TMEM132B: variants seen among roughly 807,000 people sequenced by gnomAD.
TMEM132B encodes transmembrane protein 132B.
A neutral mutation model predicts 90.8 loss-of-function variants in TMEM132B; 18 were observed. The observed-to-expected ratio is 0.20, with a 90% CI of 0.14 to 0.29. TMEM132B has a LOEUF of 0.29. Ranked by LOEUF, TMEM132B falls within the 10% of genes least tolerant of loss-of-function variation. TMEM132B has a pLI of 1.00. For synonymous variants in TMEM132B, 504 were observed against 523.3 expected (o/e 0.96, Z 0.50); for missense variants, 1,096 against 1,326.8 (o/e 0.83, Z 2.70).
intron 4 of TMEM132B, among the ~76,000 whole-genome samples, chr12:125,561,788 A>G (rs965954707): frequency 1.3e-5 from 2 of 151,956 alleles, no homozygotes; most frequent in African/African-American, 4.8e-5. Flanking sequence ...AGGGGCTATC[A>G]TCCGGGCTTT....
intron 1 of TMEM132B, among the ~76,000 whole-genome samples, chr12:125,313,476 TC>T (rs1282522737): frequency 2.7e-5 from 4 of 149,628 alleles, no homozygotes; most frequent in Non-Finnish European, 5.9e-5. Context: ...CTTCCTTTTT[TC>T]CCTTCCTCCC....
rs1013208566 is a variant in TMEM132B, at chr12:125,407,117, T to C, written c.960-8414T>C. Among the ~76,000 whole-genome samples the C allele has an allele frequency of 1.3e-5, 2 of 152,130 alleles. No individual in the cohort carries two copies. The highest frequency in any genetic ancestry group is 2.9e-5 in the Non-Finnish European group (2 of 68,018). ...GCTGACTCTCCAGTCCCTCCAGTGG[T>C]CAAGCAGATCCCATGTGGCCCAAGC... On this transcript the variant is annotated intron_variant, in intron 2 of 8. Coordinates refer to ENST00000682704, the MANE Select transcript of TMEM132B (RefSeq NM_001366854.1). The surrounding 1 kb of genome is among the most constrained non-coding windows in gnomAD (Gnocchi z 6.7).
chr12:125,604,813 C>T (rs992389997), intron 5 of TMEM132B, among the ~76,000 whole-genome samples: 1 of 152,144 alleles, frequency 6.6e-6, no homozygotes, highest in African/African-American at 2.4e-5. Flanking sequence ...GAATGTAGTG[C>T]CTGGCACTTT....
intron 3 of TMEM132B, among the ~76,000 whole-genome samples, chr12:125,505,166 CAAAAAAAAAAAAAAAAA>C (rs71306287): frequency 3.5e-5 from 1 of 28,592 alleles, no homozygotes; most frequent in African/African-American, 1.1e-4. Flanking sequence ...CACCAGAGGA[CAAAAAAAAAAAAAAAAA>C]AAAAAAAAAA....
At chr12:125,342,730 C>T (rs565767591) in intron 1 of TMEM132B, among the ~76,000 whole-genome samples, 2 of 152,238 alleles carry the variant, frequency 1.3e-5, no homozygotes, top group East Asian at 3.9e-4. Flanking sequence ...TCCTGTGAGC[C>T]CCAGCTTGGC....
chr12:125,227,393 A>G (rs1057092718), intron 1 of TMEM132B, among the ~76,000 whole-genome samples: 6 of 152,202 alleles, frequency 3.9e-5, no homozygotes, highest in Non-Finnish European at 7.3e-5. Context: ...TGAAGAGCTT[A>G]GTCAAGGACA....
At chr12:125,556,208 C>T (rs1884381740) in intron 4 of TMEM132B, among the ~76,000 whole-genome samples, 1 of 152,136 alleles carries the variant, frequency 6.6e-6, no homozygotes, top group Non-Finnish European at 1.5e-5. Flanking sequence ...TGTTCTTTAT[C>T]TTTTGTTGCA....
At position 125,650,886 on chromosome 12, in the gene TMEM132B, C is replaced by A. The variant is rs149523266; in HGVS notation, c.1847C>A (p.Pro616Gln). The A allele has an allele frequency of 1.2e-5, 19 of 1,613,832 alleles. No individual in the cohort carries two copies. In the East Asian group the frequency reaches 4.2e-4, roughly 36 times the overall value. The change falls in exon 7 of 9, where the codon CCG becomes CAG. Residue 616 changes from proline to glutamine, a missense_variant. Coordinates refer to ENST00000682704, the MANE Select transcript of TMEM132B (RefSeq NM_001366854.1). ...LVTEFMKVEE[P>Q]KIAQLQDGRT... is the part of the protein sequence containing the mutation. ...ACCGAGTTCATGAAGGTGGAGGAGC[C>A]GAAAATCGCTCAGTTACAGGACGGC...
chr12:125,362,454 A>T (rs1315994274), intron 2 of TMEM132B, among the ~76,000 whole-genome samples: 2 of 152,220 alleles, frequency 1.3e-5, no homozygotes, highest in East Asian at 3.8e-4. Context: ...TATATTTCTT[A>T]ACATGGTAAA....
At chr12:125,598,830 CT>C (rs1885506368) in intron 5 of TMEM132B, among the ~76,000 whole-genome samples, 1 of 152,042 alleles carries the variant, frequency 6.6e-6, no homozygotes. Context: ...TCAAATTCCC[CT>C]AATAGAGGGG....
intron 1 of TMEM132B, among the ~76,000 whole-genome samples, chr12:125,307,495 T>C (rs1255239893): frequency 6.6e-6 from 1 of 152,036 alleles, no homozygotes; most frequent in Non-Finnish European, 1.5e-5. Flanking sequence ...GTTGTTGGAT[T>C]GAATGAATGA....
intron 1 of TMEM132B, among the ~76,000 whole-genome samples, chr12:125,320,947 C>CGT (rs1876411906): frequency 6.6e-6 from 1 of 152,180 alleles, no homozygotes; most frequent in Middle Eastern, 3.2e-3. Context: ...CACCTGAGCT[C>CGT]ATTTATAACT....
At chr12:125,244,876 G>A (rs1283351186) in intron 1 of TMEM132B, among the ~76,000 whole-genome samples, 1 of 152,150 alleles carries the variant, frequency 6.6e-6, no homozygotes, top group African/African-American at 2.4e-5. Flanking sequence ...GGAAATGTCT[G>A]GCCAGGGGCC....
chr12:125,613,564 T>A (rs1885915391), intron 5 of TMEM132B, among the ~76,000 whole-genome samples: 1 of 151,936 alleles, frequency 6.6e-6, no homozygotes, highest in South Asian at 2.1e-4. Context: ...ATCTTCACTA[T>A]TTTTGAGTTA....
intron 1 of TMEM132B, among the ~76,000 whole-genome samples, chr12:125,217,473 G>T (rs1025813467): frequency 6.6e-6 from 1 of 152,210 alleles, no homozygotes; most frequent in African/African-American, 2.4e-5. Context: ...TTGAGACAGG[G>T]TCTTGCTCTG....
chr12:125,637,125 T>G (rs992840789), intron 5 of TMEM132B, among the ~76,000 whole-genome samples: 2 of 152,198 alleles, frequency 1.3e-5, no homozygotes, highest in African/African-American at 4.8e-5. Flanking sequence ...AAATTATTAA[T>G]TTGTAGTTTG....
intron 1 of TMEM132B, among the ~76,000 whole-genome samples, chr12:125,261,985 C>T (rs1180507818): frequency 6.6e-6 from 1 of 152,132 alleles, no homozygotes; most frequent in Non-Finnish European, 1.5e-5. Flanking sequence ...GAGTGAGCCA[C>T]CATGCGCAGC....
chr12:125,425,461 A>T (rs1880289943), intron 3 of TMEM132B, among the ~76,000 whole-genome samples: 1 of 148,840 alleles, frequency 6.7e-6, no homozygotes, highest in South Asian at 2.1e-4. Flanking sequence ...TTGATACATT[A>T]TTATTAAAGT....
chr12:125,421,023 C>T (rs528248883), intron 3 of TMEM132B, among the ~76,000 whole-genome samples: 105 of 152,364 alleles, frequency 6.9e-4, no homozygotes, highest in African/African-American at 2.2e-3. Flanking sequence ...TCATCTCCAT[C>T]TGAGACCACC....
Sources: allele counts gnomAD v4.1 joint callset (sites outside exome capture counted in the v4.1 genomes callset), GRCh38; gene constraint gnomAD v4.1.1; non-coding constraint Gnocchi (gnomAD v3.1); transcripts MANE v1.5; gene names NCBI Gene and HGNC (gene_info 2026-07-23, HGNC 2026-07-21).